Variants in ZNF462 observed in about 807,000 individuals in gnomAD.
ZNF462 encodes the protein zinc finger PBX1-interacting protein.
In ZNF462, 10 loss-of-function variants were observed where a neutral mutation model predicts 201.9. The ratio of observed to expected loss-of-function variants is 0.05; its 90% CI spans 0.03 to 0.08. The LOEUF is 0.08. Among genes scored for constraint, ZNF462 ranks in the 10% least tolerant of loss-of-function variants. The pLI, the probability that ZNF462 is intolerant of heterozygous loss-of-function variation, is 1.00. For synonymous variants in ZNF462, 1,227 were observed against 1,193.3 expected (o/e 1.03, Z -0.58); for missense variants, 2,523 against 3,168.3 (o/e 0.80, Z 4.89).
At chr9:106,912,305 T>G (rs1030233668) in intron 1 of ZNF462, among the ~76,000 whole-genome samples, 9 of 152,260 alleles carry the variant, frequency 5.9e-5, no homozygotes. Context: ...TTCTTCTGTG[T>G]ATACCTTTGT....
chr9:107,010,445 A>G lies in ZNF462; in HGVS notation c.7314-378A>G, dbSNP rs1829867636. Among the ~76,000 whole-genome samples the G allele has an allele frequency of 6.6e-6, 1 of 152,168 alleles. No individual in the cohort carries two copies. On this transcript the variant is annotated intron_variant, in intron 12 of 12. Coordinates refer to ENST00000277225, the MANE Select transcript of ZNF462 (RefSeq NM_021224.6). This position sits in a 1 kb window ranked among gnomAD's most constrained non-coding sequence, Gnocchi z 4.6. ...GACTTCATAAATATAACCAATCTCC[A>G]AGCTTCTGGGTTCAGCCGATGACTC...
At chr9:106,931,089 T>C (rs1456261496) in intron 4 of ZNF462, 1 of 172,834 alleles carries the variant, frequency 5.8e-6, no homozygotes, top group Non-Finnish European at 1.3e-5. Context: ...GACTTCTTAC[T>C]GTTCTCATCT....
At chr9:106,907,567 C>G (rs940899780) in intron 1 of ZNF462, among the ~76,000 whole-genome samples, 9 of 151,820 alleles carry the variant, frequency 5.9e-5, no homozygotes, top group Non-Finnish European at 2.9e-5. Context: ...ATAGTGTCTA[C>G]TTCTTATACT....
chr9:106,932,262 G>T lies in ZNF462; in HGVS notation c.6013-184G>T. 1.3e-6 allele frequency: 2 copies of T among 1,550,726 alleles called. No individual in the cohort carries two copies. On this transcript the variant is annotated intron_variant, in intron 4 of 12. Coordinates refer to ENST00000277225, the MANE Select transcript of ZNF462 (RefSeq NM_021224.6). This position sits in a 1 kb window ranked among gnomAD's most constrained non-coding sequence, Gnocchi z 6.8. ...CATGTGTGTGTGTGTGGTTCTCTTAGCAGGAGGCGGATGACCCTGCCCACT... is the reference window on the plus strand; with the variant it reads ...CATGTGTGTGTGTGTGGTTCTCTTATCAGGAGGCGGATGACCCTGCCCACT...
rs1205378129 is a variant in ZNF462 at position 107,010,124 on chromosome 9, T to C, written c.7313+456T>C. 6.6e-6 allele frequency among the ~76,000 whole-genome samples: 1 copy of C among 152,056 alleles called. No individual in the cohort carries two copies. The highest frequency in any genetic ancestry group is 1.5e-5 in the Non-Finnish European group (1 of 68,028). The stretch of plus-strand genomic sequence containing the variant: ...CCTGCCTCCCAGGTAGGTGAGAGCA[T>C]ACTTGTAAAATACTTATGAGATCCC... On this transcript the variant is annotated intron_variant, in intron 12 of 12. Transcript: ENST00000277225. The surrounding 1 kb of genome is among the most constrained non-coding windows in gnomAD (Gnocchi z 4.6).
Position 106,932,210 on chromosome 9 carries a change from T to A in ZNF462, c.6013-236T>A. 1 of 1,543,976 alleles carries A rather than the reference T, an allele frequency of 6.5e-7. No individual in the cohort carries two copies. Among genetic ancestry groups the A allele is most frequent in the Non-Finnish European group, 8.7e-7 (1 of 1,145,484 alleles). The stretch of plus-strand genomic sequence containing the variant: ...AGAAAAAGAAAGCTGGAGGCAATGA[T>A]GATGGATATTTATTTTGTTGGTGGG... On this transcript the variant is annotated intron_variant, in intron 4 of 12. Transcript: ENST00000277225. This position sits in a 1 kb window ranked among gnomAD's most constrained non-coding sequence, Gnocchi z 6.8.
Position 107,009,925 on chromosome 9 carries a change from G to T in ZNF462, c.7313+257G>T, listed in dbSNP as rs920523921. On this transcript the variant is annotated intron_variant, in intron 12 of 12. Coordinates refer to ENST00000277225, the MANE Select transcript of ZNF462 (RefSeq NM_021224.6). The surrounding 1 kb of genome is among the most constrained non-coding windows in gnomAD (Gnocchi z 6.1). ...GTCCTGCTCAAGCCTGTGTGCAGAA[G>T]TATAGTGTTTTCTCCAGCCAATATC... is the stretch of plus-strand genomic sequence containing the variant. Among the ~76,000 whole-genome samples, 2 of 152,176 alleles carry T rather than the reference G, an allele frequency of 1.3e-5. No homozygotes were observed. The highest frequency in any genetic ancestry group is 2.9e-5 in the Non-Finnish European group (2 of 68,038).
At position 106,926,126 on chromosome 9, in the gene ZNF462, G is replaced by A. The variant is rs879795359; in HGVS notation, c.2214G>A (p.Leu738=). ...ACGAAGTCGAGATAGAGGTTGAGTT[G>A]GACAGGGAGGAAGAACCGACAGAAC... ...EDNEVEIEVE[L]DREEEPTEPI... Residue 738 remains leucine (L), a synonymous_variant, in exon 3 of 13, where the codon TTG becomes TTA. Transcript: ENST00000277225. The surrounding 1 kb of genome is among the most constrained non-coding windows in gnomAD (Gnocchi z 7.9). The A allele has an allele frequency of 8.7e-6, 14 of 1,614,182 alleles. No individual in the cohort carries two copies. Among genetic ancestry groups the A allele is most frequent in the Admixed American group, 6.7e-5 (4 of 60,026 alleles).
At chr9:106,955,880 C>T (rs1041572535) in intron 7 of ZNF462, among the ~76,000 whole-genome samples, 1 of 152,094 alleles carries the variant, frequency 6.6e-6, no homozygotes, top group Non-Finnish European at 1.5e-5. Flanking sequence ...AATCAGTCAC[C>T]TCTCCAGGCT....
intron 7 of ZNF462, among the ~76,000 whole-genome samples, chr9:106,967,289 A>C (rs568310466): frequency 6.6e-6 from 1 of 152,168 alleles, no homozygotes. Context: ...CCAGCACGTG[A>C]CCTGGCACTA....
Position 106,895,719 on chromosome 9 carries a change from C to T in ZNF462, c.-30-27635C>T, listed in dbSNP as rs1200124645. 2.6e-5 allele frequency among the ~76,000 whole-genome samples: 4 copies of T among 152,152 alleles called. No individual in the cohort carries two copies. Among genetic ancestry groups the T allele is most frequent in the African/African-American group, 9.7e-5 (4 of 41,434 alleles). ...GTCCTGTTGTCTTTCTTTGCTAAAA[C>T]CTATGTTAGTTCTAGTGACCTGTGC... On this transcript the variant is annotated intron_variant, in intron 1 of 12. Coordinates refer to ENST00000277225, the MANE Select transcript of ZNF462 (RefSeq NM_021224.6). This position sits in a 1 kb window ranked among gnomAD's most constrained non-coding sequence, Gnocchi z 4.4.
Position 106,928,121 on chromosome 9 carries a change from A to C in ZNF462, c.4209A>C (p.Leu1403=). ...CCATGAATGGTGATGAGTCAGTGCT[A>C]CTGGACATCATCAAGGAGAAAGATG... ...PWAMNGDESV[L]LDIIKEKDAV... Residue 1403 remains leucine, a synonymous_variant, in exon 3 of 13, where the codon CTA becomes CTC. Coordinates refer to ENST00000277225, the MANE Select transcript of ZNF462 (RefSeq NM_021224.6). This position sits in a 1 kb window ranked among gnomAD's most constrained non-coding sequence, Gnocchi z 9.3. 1 of 1,614,178 alleles carries C rather than the reference A, an allele frequency of 6.2e-7. No individual in the cohort carries two copies. Among genetic ancestry groups the C allele is most frequent in the Non-Finnish European group, 8.5e-7 (1 of 1,180,022 alleles).
intron 7 of ZNF462, among the ~76,000 whole-genome samples, chr9:106,958,640 T>C (rs1297322227): frequency 6.6e-6 from 1 of 152,074 alleles, no homozygotes; most frequent in East Asian, 1.9e-4. Context: ...GTGCCAGAAG[T>C]TCCTAAGGAA....
At position 106,984,557 on chromosome 9, in the gene ZNF462, T is replaced by G. The variant is rs1827685662; in HGVS notation, c.7056+148T>G. The G allele has an allele frequency of 1.6e-6, 1 of 644,472 alleles. No homozygotes were observed. The highest frequency in any genetic ancestry group is 4.4e-4 in the Middle Eastern group (1 of 2,282). The allele number at this position is 644,472 out of a possible 1,614,324, so 39.9% of individuals were successfully genotyped here. A position where few individuals can be genotyped will look rare whatever the true frequency, so the allele number is the denominator to read the frequency against. On this transcript the variant is annotated intron_variant, in intron 10 of 12. Coordinates refer to ENST00000277225, the MANE Select transcript of ZNF462 (RefSeq NM_021224.6). The surrounding 1 kb of genome is among the most constrained non-coding windows in gnomAD (Gnocchi z 6.4). ...TTAAAGTGAGGTCTAGTTTCTTCTATTAGAAACGTAAGGTCATTTTTAAAA... is the reference window on the plus strand; with the variant it reads ...TTAAAGTGAGGTCTAGTTTCTTCTAGTAGAAACGTAAGGTCATTTTTAAAA...
In ZNF462 at chr9:107,006,154, T is replaced by G. The variant is rs1398710982; in HGVS notation, c.7189+2728T>G. 6.6e-6 allele frequency among the ~76,000 whole-genome samples: 1 copy of G among 152,158 alleles called. No homozygotes were observed. Among genetic ancestry groups the G allele is most frequent in the Non-Finnish European group, 1.5e-5 (1 of 68,028 alleles). On this transcript the variant is annotated intron_variant, in intron 11 of 12. Coordinates refer to ENST00000277225, the MANE Select transcript of ZNF462 (RefSeq NM_021224.6). This position sits in a 1 kb window ranked among gnomAD's most constrained non-coding sequence, Gnocchi z 4.3. ...CTTCGTTCTGTTTGTTTAAGATTTC[T>G]TTGGCTATCCAGGGTGTGGTTCCAT...
Position 106,974,069 on chromosome 9 carries a change from G to T in ZNF462, c.6696-68G>T. ...TTGGACATATATAACGGGTTTGCCA[G>T]CAGGAAATGTGAAAATGCAATGATC... On this transcript the variant is annotated intron_variant, in intron 8 of 12. Coordinates refer to ENST00000277225, the MANE Select transcript of ZNF462 (RefSeq NM_021224.6). The surrounding 1 kb of genome is among the most constrained non-coding windows in gnomAD (Gnocchi z 4.0). The T allele has an allele frequency of 6.3e-7, 1 of 1,599,984 alleles. No individual in the cohort carries two copies.
rs1829322887 is a variant in ZNF462 at position 107,003,192 on chromosome 9, AC to A, written c.7057-100del. 1 of 1,516,868 alleles carries A rather than the reference AC, an allele frequency of 6.6e-7. No homozygotes were observed. Among genetic ancestry groups the A allele is most frequent in the African/African-American group, 1.4e-5 (1 of 71,454 alleles). 94.0% of individuals were successfully genotyped at this position (1,516,868 alleles called of 1,614,324 possible). A position where few individuals can be genotyped will look rare whatever the true frequency, so the allele number is the denominator to read the frequency against. ...GGAGTTGTTTGGTCCTGGTTGCAAAACCACAGTCACAGGAAAATGATGTTAG... is the reference window on the plus strand; with the variant it reads ...GGAGTTGTTTGGTCCTGGTTGCAAAACACAGTCACAGGAAAATGATGTTAG... On this transcript the variant is annotated intron_variant, in intron 10 of 12. Transcript: ENST00000277225. The surrounding 1 kb of genome is among the most constrained non-coding windows in gnomAD (Gnocchi z 4.4).
intron 7 of ZNF462, among the ~76,000 whole-genome samples, chr9:106,971,579 TAA>T (rs565277908): frequency 2.4e-4 from 32 of 130,878 alleles, no homozygotes; most frequent in Middle Eastern, 4.0e-3. Flanking sequence ...TCATCCCTCT[TAA>T]AAAAAAAAAA....
In ZNF462 at chr9:106,890,036, T is replaced by A. The variant is rs1238128867; in HGVS notation, c.-31+26681T>A. Among the ~76,000 whole-genome samples, 1 of 152,230 alleles carries A rather than the reference T, an allele frequency of 6.6e-6. No individual in the cohort carries two copies. The highest frequency in any genetic ancestry group is 2.4e-5 in the African/African-American group (1 of 41,464). On this transcript the variant is annotated intron_variant, in intron 1 of 12. Coordinates refer to ENST00000277225, the MANE Select transcript of ZNF462 (RefSeq NM_021224.6). The surrounding 1 kb of genome is among the most constrained non-coding windows in gnomAD (Gnocchi z 4.2). ...AATAGGTGTGACCATTTCTTTGTTTTATGCTCTAGTGTAGAGCTTGACTCC... is the reference window on the plus strand; with the variant it reads ...AATAGGTGTGACCATTTCTTTGTTTAATGCTCTAGTGTAGAGCTTGACTCC...
Sources: gnomAD v4.1 joint callset for allele counts (sites outside exome capture counted in the v4.1 genomes callset) on GRCh38, gnomAD v4.1.1 for gene constraint, Gnocchi (gnomAD v3.1) non-coding constraint, MANE v1.5 for transcripts, NCBI Gene and HGNC (gene_info 2026-07-23, HGNC 2026-07-21) for gene names.